SMARCA2: variants seen among roughly 807,000 people sequenced by gnomAD.
The protein encoded by SMARCA2 is SWI/SNF-related matrix-associated actin-dependent regulator of chromatin subfamily A member 2.
Under a neutral mutation model 199.8 loss-of-function variants are expected in SMARCA2, and 61 were observed. The ratio of observed to expected loss-of-function variants is 0.31; its 90% CI spans 0.25 to 0.38. The LOEUF (loss-of-function observed/expected upper bound fraction) is 0.38, where lower values mean the gene tolerates loss of function less well. Among genes scored for constraint, SMARCA2 ranks in the 10% least tolerant of loss-of-function variants. The pLI, the probability that SMARCA2 is intolerant of heterozygous loss-of-function variation, is 1.00. For synonymous variants in SMARCA2, 935 were observed against 732.0 expected (o/e 1.28, Z -4.48); for missense variants, 1,344 against 2,012.2 (o/e 0.67, Z 6.35).
intron 27 of SMARCA2, among the ~76,000 whole-genome samples, chr9:2,134,366 C>G (rs943385319): frequency 2.0e-5 from 3 of 152,168 alleles, no homozygotes; most frequent in African/African-American, 7.2e-5. Flanking sequence ...TACCTAGGTG[C>G]ACACCAACCC....
rs79553801 is a variant in SMARCA2 at position 2,116,390 on chromosome 9, G to A, written c.3684+341G>A. On this transcript the variant is annotated intron_variant, in intron 25 of 33. Transcript: ENST00000349721. ...ACTTTAGGGACAAAATCAGCCGGAC[G>A]AGACAAGACATAAATGGAAGGGGTC... Among the ~76,000 whole-genome samples, 3,122 of 152,272 alleles carry A rather than the reference G, an allele frequency of 0.021. 94 individuals carry two copies. The highest frequency in any genetic ancestry group is 0.07 in the African/African-American group (2,900 of 41,538).
At position 2,161,941 on chromosome 9, in the gene SMARCA2, C is replaced by G. The variant is rs1286902044; in HGVS notation, c.4199+38C>G. 4.5e-6 allele frequency: 7 copies of G among 1,557,268 alleles called. No homozygotes were observed. Among genetic ancestry groups the G allele is most frequent in the Non-Finnish European group, 6.2e-6 (7 of 1,132,016 alleles). ...TTCCTTCACCTTGATCATCTCTCAC[C>G]AAGACGCCGAGTGGCGCTCCCTGAG... On this transcript the variant is annotated intron_variant, in intron 28 of 33. Coordinates refer to ENST00000349721, the MANE Select transcript of SMARCA2 (RefSeq NM_003070.5). This position sits in a 1 kb window ranked among gnomAD's most constrained non-coding sequence, Gnocchi z 4.7.
intron 27 of SMARCA2, among the ~76,000 whole-genome samples, chr9:2,129,189 CG>C (rs985158714): frequency 6.6e-6 from 1 of 152,096 alleles, no homozygotes; most frequent in Non-Finnish European, 1.5e-5. Context: ...GAGGGCGAGG[CG>C]GGTGGAACAT....
chr9:2,177,373 C>G (rs1343812169), intron 29 of SMARCA2, among the ~76,000 whole-genome samples: 1 of 152,082 alleles, frequency 6.6e-6, no homozygotes, highest in East Asian at 1.9e-4. Context: ...TTAATATAAA[C>G]AATTTATTTC....
rs1267861038 is a variant in SMARCA2 at position 2,110,229 on chromosome 9, A to G, written c.3293-25A>G. On this transcript the variant is annotated intron_variant, in intron 23 of 33. Coordinates refer to ENST00000349721, the MANE Select transcript of SMARCA2 (RefSeq NM_003070.5). The surrounding 1 kb of genome is among the most constrained non-coding windows in gnomAD (Gnocchi z 4.8). ...CATTTTCAGACAAGAGTTAATTGGCAAATTAATTTTTCTGATCCCCTCAGG... is the reference window on the plus strand; with the variant it reads ...CATTTTCAGACAAGAGTTAATTGGCGAATTAATTTTTCTGATCCCCTCAGG... The G allele has an allele frequency of 6.4e-7, 1 of 1,561,614 alleles. No individual in the cohort carries two copies. The highest frequency in any genetic ancestry group is 1.4e-5 in the African/African-American group (1 of 72,908).
chr9:2,107,446 T>C lies in SMARCA2; in HGVS notation c.3293-2808T>C, dbSNP rs576533719. Among the ~76,000 whole-genome samples, 219 of 152,294 alleles carry C rather than the reference T, an allele frequency of 1.4e-3. 1 individual carries two copies. The highest frequency in any genetic ancestry group is 5.1e-3 in the African/African-American group (212 of 41,568). ...AATTCTTGTGCCCCACCCTCCCAAG[T>C]AGCTGGGATTACAGATGTGTGCCAC... On this transcript the variant is annotated intron_variant, in intron 23 of 33. Transcript: ENST00000349721.
intron 1 of SMARCA2, among the ~76,000 whole-genome samples, chr9:2,025,867 C>G (rs888672600): frequency 3.9e-5 from 6 of 152,144 alleles, no homozygotes; most frequent in African/African-American, 1.4e-4. Flanking sequence ...GAGTCCTCCC[C>G]TTGGGTTTAC....
intron 27 of SMARCA2, among the ~76,000 whole-genome samples, chr9:2,155,674 C>T (rs1189939763): frequency 2.0e-5 from 3 of 147,744 alleles, no homozygotes; most frequent in South Asian, 2.1e-4. Flanking sequence ...CTTTTCCCTT[C>T]GTCACCCACC....
chr9:2,088,927 G>A (rs1821928114), intron 19 of SMARCA2, among the ~76,000 whole-genome samples: 2 of 145,076 alleles, frequency 1.4e-5, no homozygotes, highest in South Asian at 2.1e-4. Flanking sequence ...CACTGTTGCA[G>A]GCACTGTAGA....
chr9:2,045,168 C>A (rs778549587), intron 4 of SMARCA2: 5 of 152,122 alleles, frequency 3.3e-5, no homozygotes, highest in Non-Finnish European at 7.4e-5. Context: ...AGGAAAAACA[C>A]TTTGAGAACT....
chr9:2,157,630 G>T, intron 27 of SMARCA2: 1 of 359,458 alleles, frequency 2.8e-6, no homozygotes, highest in African/African-American at 2.1e-5. Context: ...TCCTTTCAGT[G>T]TTAAGATGGT....
chr9:2,145,988 C>G (rs763273551), intron 27 of SMARCA2, among the ~76,000 whole-genome samples: 51 of 152,126 alleles, frequency 3.4e-4, no homozygotes, highest in Non-Finnish European at 6.8e-4. Flanking sequence ...ATATGGCATG[C>G]TACAGTGTGG....
intron 32 of SMARCA2, among the ~76,000 whole-genome samples, chr9:2,187,604 G>A (rs1250413910): frequency 2.0e-5 from 3 of 152,074 alleles, no homozygotes; most frequent in Non-Finnish European, 2.9e-5. Context: ...CTTAGTCTAG[G>A]TGTTCAAGGC....
intron 21 of SMARCA2, among the ~76,000 whole-genome samples, chr9:2,101,134 G>C (rs1043200812): frequency 6.6e-6 from 1 of 152,164 alleles, no homozygotes; most frequent in Non-Finnish European, 1.5e-5. Context: ...GATGAGATTT[G>C]AGTAGGGACA....
intron 27 of SMARCA2, among the ~76,000 whole-genome samples, chr9:2,144,037 C>T (rs970837197): frequency 6.6e-6 from 1 of 151,834 alleles, no homozygotes; most frequent in Non-Finnish European, 1.5e-5. Context: ...AATACAGAAT[C>T]GTACATACCC....
intron 5 of SMARCA2, among the ~76,000 whole-genome samples, chr9:2,049,159 T>C (rs1820011299): frequency 6.6e-6 from 1 of 152,192 alleles, no homozygotes; most frequent in African/African-American, 2.4e-5. Context: ...TAGCTAGAAA[T>C]TTTTACATAT....
chr9:2,041,480 G>A, intron 4 of SMARCA2: 1 of 398,404 alleles, frequency 2.5e-6, no homozygotes, highest in Non-Finnish European at 4.4e-6. Flanking sequence ...TTTTACAAGG[G>A]CATGAATCCC....
At chr9:2,160,428 C>T in intron 27 of SMARCA2, 1 of 540,546 alleles carries the variant, frequency 1.8e-6, no homozygotes, top group Admixed American at 3.2e-5. Flanking sequence ...TTTAAAAATC[C>T]CACTGGCATT....
Position 2,161,544 on chromosome 9 carries a change from A to C in SMARCA2, c.3982-142A>C, listed in dbSNP as rs368948473. The C allele has an allele frequency of 8.1e-6, 5 of 618,186 alleles. No homozygotes were observed. In the African/African-American group the frequency reaches 9.3e-5, roughly 11 times the overall value. The allele number at this position is 618,186 out of a possible 1,614,324, so 38.3% of individuals were successfully genotyped here. On this transcript the variant is annotated intron_variant, in intron 27 of 33. Transcript: ENST00000349721. This position sits in a 1 kb window ranked among gnomAD's most constrained non-coding sequence, Gnocchi z 4.7. ...TTCCTTTTTTCTTCTTCCTCCACTG[A>C]TTACTGTTAACTTTTACTTTTTTTT...
Sources: allele counts gnomAD v4.1 joint callset (sites outside exome capture counted in the v4.1 genomes callset), GRCh38; gene constraint gnomAD v4.1.1; non-coding constraint Gnocchi (gnomAD v3.1); transcripts MANE v1.5; gene names NCBI Gene and HGNC (gene_info 2026-07-23, HGNC 2026-07-21).